Variants in POU2F3 observed in about 807,000 individuals in gnomAD.
The protein encoded by POU2F3 is POU class 2 homeobox 3.
In POU2F3, 23 loss-of-function variants were observed where a neutral mutation model predicts 59.2. That is an observed-to-expected ratio of 0.39 (90% CI 0.28 to 0.55). The LOEUF (loss-of-function observed/expected upper bound fraction) is 0.55. Ranked by LOEUF, POU2F3 falls within the 20% of genes least tolerant of loss-of-function variation. The pLI, the probability that POU2F3 is intolerant of heterozygous loss-of-function variation, is 0.66. For missense variants in POU2F3, 473 were observed against 544.5 expected, an observed-to-expected ratio of 0.87 and a Z score of 1.31; for synonymous variants, 190 against 214.6, an observed-to-expected ratio of 0.89 and a Z score of 1.00.
intron 2 of POU2F3, among the ~76,000 whole-genome samples, chr11:120,266,873 C>T (rs1939845696): frequency 6.6e-6 from 1 of 152,208 alleles, no homozygotes; most frequent in South Asian, 2.1e-4. Context: ...CAGTGACTTC[C>T]TTCTTCTCCA....
At chr11:120,282,372 T>G (rs917173885) in intron 3 of POU2F3, among the ~76,000 whole-genome samples, 5 of 152,234 alleles carry the variant, frequency 3.3e-5, no homozygotes, top group African/African-American at 1.2e-4. Context: ...AAAGAAATAT[T>G]AGGCTGGTCA....
At chr11:120,318,160 C>T (rs1483334990) in intron 12 of POU2F3, among the ~76,000 whole-genome samples, 193 bp from the exon 13 acceptor site, 4 of 152,160 alleles carry the variant, frequency 2.6e-5, no homozygotes, top group African/African-American at 9.7e-5. Flanking sequence ...ATAAAATTCA[C>T]CGTTTTAAAG....
At chr11:120,312,357 A>G (rs1941671924) in intron 10 of POU2F3, among the ~76,000 whole-genome samples, 1 of 152,152 alleles carries the variant, frequency 6.6e-6, no homozygotes, top group South Asian at 2.1e-4. Context: ...TCCTGACTTC[A>G]GGTGATCTGC....
intron 11 of POU2F3, among the ~76,000 whole-genome samples, chr11:120,316,254 G>A (rs1941786920): frequency 6.6e-6 from 1 of 152,132 alleles, no homozygotes; most frequent in African/African-American, 2.4e-5. Flanking sequence ...CACAGTTTGG[G>A]AAACACAAAC....
At chr11:120,299,817 G>C (rs1941296509) in intron 5 of POU2F3, 91 bp downstream of exon 5, 1 of 1,086,308 alleles carries the variant, frequency 9.2e-7, no homozygotes, top group African/African-American at 1.6e-5. Context: ...CCTAATTGGA[G>C]AGCATGCGTC....
chr11:120,287,134 A>G (rs1940811540), intron 3 of POU2F3, among the ~76,000 whole-genome samples: 1 of 152,196 alleles, frequency 6.6e-6, no homozygotes, highest in South Asian at 2.1e-4. Flanking sequence ...CCTGATGTTA[A>G]AGGAAACGAA....
rs1224879467 is a variant in POU2F3 at position 120,298,356 on chromosome 11, A to T, written c.224A>T (p.Asn75Ile). Residue 75 changes from asparagine to isoleucine, a missense_variant, in exon 4 of 13, where the codon AAC becomes ATC. Physicochemically the swap from Asn to Ile is moderately radical, Grantham distance 149. Transcript: ENST00000543440. ...LSQGPAMMSG[N>I]QMSGLNASPC... The stretch of plus-strand genomic sequence containing the variant: ...CAAGGACCTGCCATGATGTCCGGAA[A>T]CCAAATGTCTGGGCTAAATGCCAGC... The T allele has an allele frequency of 6.2e-7, 1 of 1,613,746 alleles. No individual in the cohort carries two copies. Among genetic ancestry groups the T allele is most frequent in the Non-Finnish European group, 8.5e-7 (1 of 1,179,910 alleles).
At chr11:120,298,116 A>G in intron 3 of POU2F3, 149 bp from the exon 4 acceptor site, 19 of 1,037,520 alleles carry the variant, frequency 1.8e-5, no homozygotes, top group Middle Eastern at 3.2e-4. Flanking sequence ...CACAGGCAGG[A>G]AAAGTAAGCT....
intron 2 of POU2F3, chr11:120,261,244 T>C (rs550618337): frequency 6.6e-6 from 1 of 150,562 alleles, no homozygotes; most frequent in African/African-American, 2.4e-5. Context: ...ATTCCCCACA[T>C]ACCTGCATGC....
At chr11:120,304,901 G>T (rs1941440852) in intron 6 of POU2F3, 129 bp from the exon 7 acceptor site, 6 of 685,006 alleles carry the variant, frequency 8.8e-6, no homozygotes, top group South Asian at 5.0e-5. Flanking sequence ...TGTACCCAGG[G>T]TGTATCCAGG....
At chr11:120,315,266 C>T (rs1378706647) in intron 10 of POU2F3, 95 bp from the exon 11 acceptor site, 1 of 1,167,634 alleles carries the variant, frequency 8.6e-7, no homozygotes, top group Non-Finnish European at 1.3e-6. Flanking sequence ...AAGCCCTGGT[C>T]TCTGTAGAGT....
chr11:120,265,148 C>G (rs968905277), intron 2 of POU2F3, among the ~76,000 whole-genome samples: 13 of 152,196 alleles, frequency 8.5e-5, no homozygotes, highest in African/African-American at 2.9e-4. Context: ...AAAGCAGGAA[C>G]AAGCATGGCA....
intron 3 of POU2F3, 86 bp from the exon 4 acceptor site, chr11:120,298,179 T>C: frequency 6.7e-7 from 1 of 1,481,760 alleles, no homozygotes; most frequent in Non-Finnish European, 9.1e-7. Flanking sequence ...GGTCACTCCT[T>C]TCCTGCCTGG....
intron 2 of POU2F3, among the ~76,000 whole-genome samples, chr11:120,268,709 G>A (rs1483876248): frequency 1.3e-5 from 2 of 152,188 alleles, no homozygotes; most frequent in Admixed American, 1.3e-4. Flanking sequence ...ACAGTTGAGG[G>A]TGAGAAAAAA....
At chr11:120,280,117 C>A (rs948960217) in intron 3 of POU2F3, among the ~76,000 whole-genome samples, 17 of 152,136 alleles carry the variant, frequency 1.1e-4, no homozygotes, top group African/African-American at 3.9e-4. Flanking sequence ...AAAAGCAGGG[C>A]CAGGCCTTCC....
intron 3 of POU2F3, among the ~76,000 whole-genome samples, chr11:120,277,009 A>C (rs1940357825): frequency 6.6e-6 from 1 of 152,204 alleles, no homozygotes; most frequent in East Asian, 1.9e-4. Context: ...ACAAAATTAC[A>C]AAAATATGCA....
At chr11:120,310,459 G>T (rs560137976) in intron 10 of POU2F3, among the ~76,000 whole-genome samples, 1 of 152,324 alleles carries the variant, frequency 6.6e-6, no homozygotes, top group South Asian at 2.1e-4. Context: ...CCAAGAGTGA[G>T]TATGAAGGAG....
rs541342688 is a variant in POU2F3, at chr11:120,255,186, C to T, written c.97+8669C>T. 2.4e-3 allele frequency among the ~76,000 whole-genome samples: 362 copies of T among 152,246 alleles called. 3 individuals carry two copies. Among genetic ancestry groups the T allele is most frequent in the African/African-American group, 7.8e-3 (326 of 41,552 alleles). On this transcript the variant is annotated intron_variant, in intron 2 of 12. Transcript: ENST00000543440. ...GGCTTAGCCCAGCCAGAAAAACCAG[C>T]GGTTGGCCTTGCCTGGGTGTGCCCA...
intron 3 of POU2F3, among the ~76,000 whole-genome samples, chr11:120,280,024 C>G (rs1940499491): frequency 6.6e-6 from 1 of 152,116 alleles, no homozygotes; most frequent in Non-Finnish European, 1.5e-5. Flanking sequence ...GGTCCTTCAC[C>G]TGATTGTGCA....
Sources: gnomAD v4.1 joint callset for allele counts (sites outside exome capture counted in the v4.1 genomes callset) on GRCh38, gnomAD v4.1.1 for gene constraint, MANE v1.5 for transcripts, NCBI Gene and HGNC (gene_info 2026-07-23, HGNC 2026-07-21) for gene names.